TGFB2: variants seen among roughly 807,000 people sequenced by gnomAD.
TGFB2 encodes transforming growth factor beta 2, also known as transforming growth factor beta-2 proprotein.
TGFB2 carries 13 observed loss-of-function variants against 42.7 expected under a neutral mutation model. That is an observed-to-expected ratio of 0.30 (90% CI 0.20 to 0.48). The LOEUF (loss-of-function observed/expected upper bound fraction) is 0.48. Ranked by LOEUF, TGFB2 falls within the 20% of genes least tolerant of loss-of-function variation. TGFB2 has a pLI of 0.99. For missense variants in TGFB2, 390 were observed against 517.5 expected (o/e 0.75, Z 2.39); for synonymous variants, 193 against 193.6 (o/e 1.00, Z 0.03).
chr1:218,418,848 T>C (rs1659365214), intron 2 of TGFB2, among the ~76,000 whole-genome samples: 1 of 152,180 alleles, frequency 6.6e-6, no homozygotes, highest in Non-Finnish European at 1.5e-5. Flanking sequence ...GCCATGCACT[T>C]AAGATGTGAC....
rs10482813 is a variant in TGFB2 at position 218,434,781 on chromosome 1, G to T, written c.754+333G>T. On this transcript the variant is annotated intron_variant, in intron 4 of 6. Coordinates refer to ENST00000366930, the MANE Select transcript of TGFB2 (RefSeq NM_003238.6). Reference sequence around the variant, plus strand: ...TATACTGATATTATAGAGAAAGATAGAATGTGTTTAAGAAAATTCATTGAT... The same window carrying T: ...TATACTGATATTATAGAGAAAGATATAATGTGTTTAAGAAAATTCATTGAT... Among the ~76,000 whole-genome samples the T allele has an allele frequency of 0.018, 2,668 of 152,270 alleles. 83 individuals are homozygous for T. Among genetic ancestry groups the T allele is most frequent in the African/African-American group, 0.06 (2,494 of 41,536 alleles).
At chr1:218,379,297 T>A (rs1657876196) in intron 1 of TGFB2, among the ~76,000 whole-genome samples, 1 of 151,702 alleles carries the variant, frequency 6.6e-6, no homozygotes, top group Non-Finnish European at 1.5e-5. Context: ...CACACCTGGC[T>A]AATTTTTTTG....
At chr1:218,440,244 T>C (rs1660109102) in intron 6 of TGFB2, among the ~76,000 whole-genome samples, 1 of 152,206 alleles carries the variant, frequency 6.6e-6, no homozygotes. Context: ...TTAAGCAAAA[T>C]GTAAGAAAGT....
intron 1 of TGFB2, among the ~76,000 whole-genome samples, chr1:218,351,232 G>A (rs1277548140): frequency 6.6e-6 from 1 of 152,194 alleles, no homozygotes; most frequent in African/African-American, 2.4e-5. Context: ...CTGGAACGTA[G>A]TGGTATTTTT....
intron 2 of TGFB2, among the ~76,000 whole-genome samples, chr1:218,429,971 C>T (rs1482074650): frequency 6.6e-6 from 1 of 152,080 alleles, no homozygotes; most frequent in Non-Finnish European, 1.5e-5. Context: ...TAACTTTCCC[C>T]AATGATCCCC....
chr1:218,393,761 C>T (rs967693693), intron 1 of TGFB2, among the ~76,000 whole-genome samples: 7 of 152,232 alleles, frequency 4.6e-5, no homozygotes, highest in East Asian at 1.9e-4. Context: ...GCTTCAGTGG[C>T]CTGTTCCAGC....
At chr1:218,383,096 G>A (rs1437655690) in intron 1 of TGFB2, among the ~76,000 whole-genome samples, 1 of 152,166 alleles carries the variant, frequency 6.6e-6, no homozygotes, top group Non-Finnish European at 1.5e-5. Context: ...TTTCAAGGGA[G>A]GATAAAGTTA....
intron 1 of TGFB2, among the ~76,000 whole-genome samples, chr1:218,389,056 G>C (rs1285369268): frequency 6.6e-6 from 1 of 152,072 alleles, no homozygotes; most frequent in Non-Finnish European, 1.5e-5. Flanking sequence ...AAGTCTGGGG[G>C]AGTCACTTAC....
At chr1:218,364,646 G>A (rs895828855) in intron 1 of TGFB2, among the ~76,000 whole-genome samples, 1 of 152,152 alleles carries the variant, frequency 6.6e-6, no homozygotes, top group African/African-American at 2.4e-5. Context: ...AAAAGCCTAG[G>A]TCACTGGATA....
chr1:218,399,229 CAG>C (rs1333571923), intron 1 of TGFB2, among the ~76,000 whole-genome samples: 1 of 152,150 alleles, frequency 6.6e-6, no homozygotes, highest in Non-Finnish European at 1.5e-5. Context: ...AAAAATAGTA[CAG>C]AGAGTTCCTA....
chr1:218,404,950 T>G (rs1295234306), intron 1 of TGFB2, among the ~76,000 whole-genome samples: 2 of 152,216 alleles, frequency 1.3e-5, no homozygotes, highest in Non-Finnish European at 2.9e-5. Flanking sequence ...TTGGAAGTGG[T>G]TTGTTAATCT....
chr1:218,349,587 G>A (rs924149155), intron 1 of TGFB2, among the ~76,000 whole-genome samples: 1 of 152,164 alleles, frequency 6.6e-6, no homozygotes, highest in Non-Finnish European at 1.5e-5. Flanking sequence ...ACTTATTAGC[G>A]TTCAGGGAGT....
At chr1:218,363,834 A>G (rs1184030779) in intron 1 of TGFB2, among the ~76,000 whole-genome samples, 1 of 152,158 alleles carries the variant, frequency 6.6e-6, no homozygotes, top group Non-Finnish European at 1.5e-5. Context: ...TAGTTGCTCA[A>G]TTAATGTTTC....
At chr1:218,405,432 A>G (rs756326692) in intron 2 of TGFB2, 100 bp downstream of exon 2, 1 of 1,586,462 alleles carries the variant, frequency 6.3e-7, no homozygotes, top group Non-Finnish European at 8.5e-7. Context: ...TGGCATGATC[A>G]CAGCTCACTG....
intron 5 of TGFB2, among the ~76,000 whole-genome samples, chr1:218,436,438 A>G (rs1659974133): frequency 6.6e-6 from 1 of 152,208 alleles, no homozygotes; most frequent in Non-Finnish European, 1.5e-5. Flanking sequence ...GCTCCTCAGA[A>G]CAAATAAAAG....
intron 1 of TGFB2, among the ~76,000 whole-genome samples, chr1:218,379,852 TTTAC>T (rs770617603): frequency 4.6e-5 from 7 of 152,332 alleles, no homozygotes; most frequent in Admixed American, 2.0e-4. Flanking sequence ...TTTAACTTCT[TTTAC>T]TTACTTAAGG....
intron 1 of TGFB2, among the ~76,000 whole-genome samples, chr1:218,362,012 C>T (rs985505563): frequency 6.6e-5 from 10 of 152,136 alleles, no homozygotes; most frequent in Admixed American, 2.0e-4. Context: ...AAGAGTGTTC[C>T]GCCTAGAAGG....
At chr1:218,436,705 G>A (rs1256297183) in intron 5 of TGFB2, among the ~76,000 whole-genome samples, 1 of 152,180 alleles carries the variant, frequency 6.6e-6, no homozygotes, top group Non-Finnish European at 1.5e-5. Context: ...TAAGAGGAGG[G>A]CTCTTTCCTT....
chr1:218,359,569 CTGTT>C (rs1657147234), intron 1 of TGFB2, among the ~76,000 whole-genome samples: 1 of 152,182 alleles, frequency 6.6e-6, no homozygotes, highest in Non-Finnish European at 1.5e-5. Flanking sequence ...ATTTTATTAA[CTGTT>C]TGTCACAAGT....
Sources: allele counts gnomAD v4.1 joint callset (sites outside exome capture counted in the v4.1 genomes callset), GRCh38; gene constraint gnomAD v4.1.1; transcripts MANE v1.5; gene names NCBI Gene and HGNC (gene_info 2026-07-23, HGNC 2026-07-21).